Variants in PDE3A observed in about 807,000 individuals in gnomAD.
The protein encoded by PDE3A is phosphodiesterase 3A.
Under a neutral mutation model 98.3 loss-of-function variants are expected in PDE3A, and 43 were observed. The observed-to-expected ratio is 0.44, with a 90% CI of 0.34 to 0.56. The LOEUF is 0.56. Ranked by LOEUF, PDE3A falls within the 20% of genes least tolerant of loss-of-function variation. PDE3A has a pLI of 0.01. For synonymous variants in PDE3A, 663 were observed against 567.9 expected, an observed-to-expected ratio of 1.17 and a Z score of -2.38; for missense variants, 1,427 against 1,440.7, an observed-to-expected ratio of 0.99 and a Z score of 0.15.
intron 2 of PDE3A, among the ~76,000 whole-genome samples, chr12:20,593,534 G>A (rs1403693371): frequency 1.6e-5 from 2 of 123,166 alleles, no homozygotes; most frequent in Non-Finnish European, 3.5e-5. Flanking sequence ...GCAGGGATGA[G>A]AGGCTTTTTA....
Position 20,596,891 on chromosome 12 carries a change from G to A in PDE3A, c.1012-16552G>A, listed in dbSNP as rs181263963. Among the ~76,000 whole-genome samples the A allele has an allele frequency of 2.7e-3, 414 of 152,176 alleles. 4 individuals carry two copies. Among genetic ancestry groups the A allele is most frequent in the Middle Eastern group, 0.01 (3 of 294 alleles). Reference sequence around the variant, plus strand: ...GAAGTGTTTATTTAAAAAAAATACCGTATAGCAAATTGGCAAGGATATTTT... The same window carrying A: ...GAAGTGTTTATTTAAAAAAAATACCATATAGCAAATTGGCAAGGATATTTT... On this transcript the variant is annotated intron_variant, in intron 2 of 15. Coordinates refer to ENST00000359062, the MANE Select transcript of PDE3A (RefSeq NM_000921.5).
chr12:20,396,898 T>A (rs554480896), intron 1 of PDE3A, among the ~76,000 whole-genome samples: 1 of 152,136 alleles, frequency 6.6e-6, no homozygotes, highest in East Asian at 1.9e-4. Context: ...TATTGATCAC[T>A]ATGAAGTGGT....
At chr12:20,434,805 G>C (rs781234845) in intron 1 of PDE3A, among the ~76,000 whole-genome samples, 1 of 152,134 alleles carries the variant, frequency 6.6e-6, no homozygotes, top group Non-Finnish European at 1.5e-5. Context: ...TGATTGTATA[G>C]AGTGGGATTT....
At chr12:20,625,344 A>G (rs747785893) in intron 5 of PDE3A, among the ~76,000 whole-genome samples, 2 of 152,216 alleles carry the variant, frequency 1.3e-5, no homozygotes, top group Non-Finnish European at 2.9e-5. Context: ...CCTTGAATTT[A>G]TCGTTACTGT....
chr12:20,573,798 A>G (rs939456698), intron 2 of PDE3A, among the ~76,000 whole-genome samples: 2 of 152,130 alleles, frequency 1.3e-5, no homozygotes, highest in African/African-American at 4.8e-5. Flanking sequence ...TAATCCCTAT[A>G]TTGTGATAGA....
At chr12:20,541,784 T>C (rs1312053752) in intron 1 of PDE3A, among the ~76,000 whole-genome samples, 1 of 152,094 alleles carries the variant, frequency 6.6e-6, no homozygotes, top group Non-Finnish European at 1.5e-5. Flanking sequence ...ACTTTCAACA[T>C]ATCAAATGGG....
chr12:20,681,579 C>G lies in PDE3A; in HGVS notation c.*1308C>G, dbSNP rs534009021. On this transcript the variant is annotated 3_prime_UTR_variant, in exon 16 of 16. Coordinates refer to ENST00000359062, the MANE Select transcript of PDE3A (RefSeq NM_000921.5). ...TTGTCTTTCAGGGGTGAAGGTCCCA[C>G]TGACAACCCCTGTTGTGGTGTTCCA... The G allele has an allele frequency of 1.3e-5, 2 of 152,342 alleles. No individual in the cohort carries two copies. The highest frequency in any genetic ancestry group is 4.8e-5 in the African/African-American group (2 of 41,584). The allele number at this position is 152,342 out of a possible 1,614,324, so 9.4% of individuals were successfully genotyped here. A position where few individuals can be genotyped will look rare whatever the true frequency, so the allele number is the denominator to read the frequency against.
intron 1 of PDE3A, among the ~76,000 whole-genome samples, chr12:20,522,355 C>T (rs993332125): frequency 2.0e-5 from 3 of 152,140 alleles, no homozygotes; most frequent in African/African-American, 7.2e-5. Flanking sequence ...CCGGCCTAGA[C>T]CTATTGAATC....
intron 1 of PDE3A, among the ~76,000 whole-genome samples, chr12:20,527,921 GAA>G (rs200125422): frequency 5.6e-5 from 7 of 125,054 alleles, no homozygotes; most frequent in East Asian, 2.3e-4. Context: ...ACTTTAAAAG[GAA>G]AAAAAAAAAA....
intron 1 of PDE3A, among the ~76,000 whole-genome samples, chr12:20,495,889 C>A (rs989976232): frequency 6.6e-6 from 1 of 152,138 alleles, no homozygotes; most frequent in Admixed American, 6.6e-5. Flanking sequence ...ACTAAATGGA[C>A]AACATTTAAC....
chr12:20,653,098 A>G (rs970757044), intron 14 of PDE3A, among the ~76,000 whole-genome samples: 7 of 152,208 alleles, frequency 4.6e-5, no homozygotes, highest in African/African-American at 9.6e-5. Flanking sequence ...ATTTTGCTAG[A>G]TAACTGCTGG....
chr12:20,443,267 C>G (rs925192114), intron 1 of PDE3A, among the ~76,000 whole-genome samples: 4 of 152,074 alleles, frequency 2.6e-5, no homozygotes, highest in African/African-American at 7.2e-5. Context: ...AAATCTTACT[C>G]TGTCCTATCT....
At chr12:20,438,147 A>G (rs1944810312) in intron 1 of PDE3A, among the ~76,000 whole-genome samples, 1 of 152,086 alleles carries the variant, frequency 6.6e-6, no homozygotes, top group Non-Finnish European at 1.5e-5. Context: ...GTGTTGCTAA[A>G]AAGAATTAGT....
intron 1 of PDE3A, among the ~76,000 whole-genome samples, chr12:20,443,592 G>C (rs370468055): frequency 7.2e-5 from 11 of 152,068 alleles, no homozygotes; most frequent in African/African-American, 2.7e-4. Context: ...AACTCTTTTC[G>C]TTTGCTGTGT....
At chr12:20,386,070 A>ATAT (rs1287357306) in intron 1 of PDE3A, among the ~76,000 whole-genome samples, 1 of 37,146 alleles carries the variant, frequency 2.7e-5, no homozygotes, top group African/African-American at 1.0e-4. Flanking sequence ...AAATATATAT[A>ATAT]AAATATATAT....
intron 1 of PDE3A, among the ~76,000 whole-genome samples, chr12:20,546,177 G>T (rs1942052649): frequency 6.6e-6 from 1 of 151,946 alleles, no homozygotes; most frequent in African/African-American, 2.4e-5. Context: ...CCTGTATTAG[G>T]TCTTTCTAGA....
At chr12:20,518,786 TTTTA>T (rs1946367867) in intron 1 of PDE3A, among the ~76,000 whole-genome samples, 3 of 152,092 alleles carry the variant, frequency 2.0e-5, no homozygotes, top group Middle Eastern at 3.4e-3. Context: ...TAAAAAAGAC[TTTTA>T]TTTAATTCTC....
At chr12:20,413,906 C>T (rs996622075) in intron 1 of PDE3A, among the ~76,000 whole-genome samples, 7 of 152,034 alleles carry the variant, frequency 4.6e-5, no homozygotes, top group African/African-American at 1.7e-4. Flanking sequence ...ACTTTAGAGA[C>T]GTTTAGTAAT....
intron 1 of PDE3A, among the ~76,000 whole-genome samples, chr12:20,555,050 C>T (rs1415002694): frequency 1.3e-5 from 2 of 151,640 alleles, no homozygotes; most frequent in African/African-American, 2.4e-5. Context: ...GAGATGGAGT[C>T]TCACTTTGTC....
Sources: gnomAD v4.1 joint callset for allele counts (sites outside exome capture counted in the v4.1 genomes callset) on GRCh38, gnomAD v4.1.1 for gene constraint, MANE v1.5 for transcripts, NCBI Gene and HGNC (gene_info 2026-07-23, HGNC 2026-07-21) for gene names.